The following NPAS3 variants were observed in gnomAD, a reference collection of about 807,000 sequenced individuals.
NPAS3 encodes the protein neuronal PAS domain-containing protein 3.
Under a neutral mutation model 73.1 loss-of-function variants are expected in NPAS3, and 14 were observed. The ratio of observed to expected loss-of-function variants is 0.19; its 90% CI spans 0.13 to 0.30. NPAS3 has a LOEUF of 0.30. Among genes scored for constraint, NPAS3 ranks in the 10% least tolerant of loss-of-function variants. The pLI, the probability that NPAS3 is intolerant of heterozygous loss-of-function variation, is 1.00. For missense variants in NPAS3, 1,096 were observed against 1,250.0 expected (o/e 0.88, Z 1.86); for synonymous variants, 620 against 541.5 (o/e 1.14, Z -2.01).
At chr14:33,032,653 T>C (rs2040033323) in intron 1 of NPAS3, among the ~76,000 whole-genome samples, 1 of 152,280 alleles carries the variant, frequency 6.6e-6, no homozygotes, top group African/African-American at 2.4e-5. Flanking sequence ...TTATATGCGG[T>C]TTACACGGAC....
chr14:33,729,667 C>T (rs1247530091), intron 6 of NPAS3, among the ~76,000 whole-genome samples: 2 of 152,136 alleles, frequency 1.3e-5, no homozygotes, highest in Non-Finnish European at 2.9e-5. Flanking sequence ...TAAGTGTCGT[C>T]CCAACGTGGC....
chr14:33,351,248 A>C (rs1466738145), intron 3 of NPAS3, among the ~76,000 whole-genome samples: 1 of 152,208 alleles, frequency 6.6e-6, no homozygotes, highest in African/African-American at 2.4e-5. Flanking sequence ...CTAGTCAATA[A>C]TCAAATACCC....
intron 5 of NPAS3, among the ~76,000 whole-genome samples, chr14:33,606,221 C>G (rs183961861): frequency 1.4e-4 from 18 of 125,026 alleles, no homozygotes; most frequent in African/African-American, 5.0e-4. Flanking sequence ...ATCCCTCCCC[C>G]CCTCCCCCCA....
At position 33,764,664 on chromosome 14, in the gene NPAS3, C is replaced by T. The variant is rs1056858791; in HGVS notation, c.853-9673C>T. Among the ~76,000 whole-genome samples the T allele has an allele frequency of 2.0e-5, 3 of 152,132 alleles. No individual in the cohort carries two copies. The East Asian group carries it at 5.8e-4, about 29-fold the overall frequency. On this transcript the variant is annotated intron_variant, in intron 7 of 11. Transcript: ENST00000356141. ...TTGAGAAGAACTGCCTCTCTACCCT[C>T]AAGACAGTGACACTAAGCCATGAGG...
intron 6 of NPAS3, among the ~76,000 whole-genome samples, chr14:33,683,609 T>TAAAC (rs1304332870): frequency 2.0e-5 from 3 of 152,316 alleles, no homozygotes; most frequent in South Asian, 2.1e-4. Context: ...TCATCTGCAC[T>TAAAC]AAACAGCAGA....
chr14:33,268,709 C>A (rs1203320127), intron 3 of NPAS3, among the ~76,000 whole-genome samples: 2 of 152,098 alleles, frequency 1.3e-5, no homozygotes, highest in South Asian at 4.1e-4. Flanking sequence ...TCTTAAGGAG[C>A]TTAGGAACTT....
chr14:33,782,472 TG>T (rs1033089118), intron 9 of NPAS3, among the ~76,000 whole-genome samples: 1 of 152,234 alleles, frequency 6.6e-6, no homozygotes, highest in Non-Finnish European at 1.5e-5. Context: ...TCCAGCCCTT[TG>T]TCTAGAGAAG....
chr14:33,071,875 G>T (rs1410211642), intron 2 of NPAS3, among the ~76,000 whole-genome samples: 1 of 152,110 alleles, frequency 6.6e-6, no homozygotes, highest in Non-Finnish European at 1.5e-5. Context: ...CTGAAGAAGA[G>T]ATTCTGTGTT....
intron 4 of NPAS3, among the ~76,000 whole-genome samples, chr14:33,398,463 A>C (rs985700310): frequency 1.3e-5 from 2 of 151,112 alleles, no homozygotes; most frequent in Non-Finnish European, 2.9e-5. Flanking sequence ...AGCACTAATT[A>C]CTTCCCCAAA....
At chr14:33,381,291 T>C (rs2046542463) in intron 4 of NPAS3, among the ~76,000 whole-genome samples, 4 of 152,192 alleles carry the variant, frequency 2.6e-5, no homozygotes, top group Admixed American at 2.6e-4. Flanking sequence ...TATTGTTACG[T>C]CTTTCTAAAT....
At chr14:33,772,303 C>T (rs1348597808) in intron 7 of NPAS3, among the ~76,000 whole-genome samples, 1 of 152,122 alleles carries the variant, frequency 6.6e-6, no homozygotes, top group Non-Finnish European at 1.5e-5. Flanking sequence ...CGAGTCGAGA[C>T]TCTTACTGGA....
At position 33,079,325 on chromosome 14, in the gene NPAS3, C is replaced by CTTTTTTTTTTTTTTTTTT. The variant is rs772885846; in HGVS notation, c.140+23342_140+23343insTTTTTTTTTTTTTTTTTT. On this transcript the variant is annotated intron_variant, in intron 2 of 11. Transcript: ENST00000356141. Reference sequence around the variant, plus strand: ...ACTTGATTTGTACTTTTTCTTTTTCCTTTTTTTTTTTGAGACAGAGTCTTG... The same window carrying CTTTTTTTTTTTTTTTTTT: ...ACTTGATTTGTACTTTTTCTTTTTCCTTTTTTTTTTTTTTTTTTTTTTTTTTTTTGAGACAGAGTCTTG... 6.8e-5 allele frequency among the ~76,000 whole-genome samples: 9 copies of CTTTTTTTTTTTTTTTTTT among 132,298 alleles called. 1 individual carries two copies. The highest frequency in any genetic ancestry group is 2.5e-4 in the South Asian group (1 of 3,944). 86.8% of individuals were successfully genotyped at this position (132,298 alleles called of 152,430 possible).
intron 5 of NPAS3, among the ~76,000 whole-genome samples, chr14:33,616,765 A>G (rs2057932267): frequency 2.0e-5 from 3 of 152,158 alleles, no homozygotes. Context: ...ATTTAGGTCT[A>G]CCTCTAATAA....
intron 5 of NPAS3, among the ~76,000 whole-genome samples, chr14:33,609,975 A>G (rs2057700616): frequency 6.6e-6 from 1 of 152,150 alleles, no homozygotes; most frequent in Non-Finnish European, 1.5e-5. Context: ...TGTTACCTAA[A>G]GAGAAAGTTA....
At chr14:32,983,813 C>T (rs1476248951) in intron 1 of NPAS3, among the ~76,000 whole-genome samples, 1 of 152,068 alleles carries the variant, frequency 6.6e-6, no homozygotes, top group East Asian at 1.9e-4. Context: ...CTTCCACCTC[C>T]CAGATTCAAG....
intron 2 of NPAS3, among the ~76,000 whole-genome samples, chr14:33,186,320 G>T (rs1277997162): frequency 3.9e-5 from 6 of 152,202 alleles, no homozygotes; most frequent in Admixed American, 2.6e-4. Context: ...TTATCTTATA[G>T]TGTTGAGGGC....
At chr14:33,714,091 C>T (rs1463731481) in intron 6 of NPAS3, among the ~76,000 whole-genome samples, 3 of 152,050 alleles carry the variant, frequency 2.0e-5, no homozygotes, top group African/African-American at 7.3e-5. Context: ...AATTACAACT[C>T]TCACCTGCAC....
At chr14:33,428,528 T>C (rs1388339671) in intron 4 of NPAS3, among the ~76,000 whole-genome samples, 2 of 152,112 alleles carry the variant, frequency 1.3e-5, no homozygotes, top group Admixed American at 6.6e-5. Flanking sequence ...TGAACATTAA[T>C]GTTCATTCTA....
chr14:33,339,511 T>C (rs2044374801), intron 3 of NPAS3, among the ~76,000 whole-genome samples: 2 of 152,238 alleles, frequency 1.3e-5, no homozygotes, highest in African/African-American at 4.8e-5. Flanking sequence ...ACTGGCAGTT[T>C]ATGCTACATA....
Sources: allele counts gnomAD v4.1 joint callset (sites outside exome capture counted in the v4.1 genomes callset), GRCh38; gene constraint gnomAD v4.1.1; transcripts MANE v1.5; gene names NCBI Gene and HGNC (gene_info 2026-07-23, HGNC 2026-07-21).